Variants in UBE2C observed in about 807,000 individuals in gnomAD.
UBE2C encodes the protein ubiquitin conjugating enzyme E2 C, also known as ubiquitin-conjugating enzyme E2 C.
UBE2C carries 16 observed loss-of-function variants against 23.5 expected under a neutral mutation model. The ratio of observed to expected loss-of-function variants is 0.68; its 90% CI spans 0.46 to 1.03. The LOEUF (loss-of-function observed/expected upper bound fraction) is 1.03, where lower values mean the gene tolerates loss of function less well. Among genes scored for constraint, UBE2C ranks in the 50% least tolerant of loss-of-function variants. The pLI, the probability that UBE2C is intolerant of heterozygous loss-of-function variation, is 0.00. For synonymous variants in UBE2C, 76 were observed against 91.6 expected (o/e 0.83, Z 0.97); for missense variants, 192 against 227.6 (o/e 0.84, Z 1.01).
intron 3 of UBE2C, chr20:45,815,256 C>A: frequency 1.2e-6 from 1 of 839,992 alleles, no homozygotes; most frequent in Non-Finnish European, 1.8e-6. Context: ...TAGTGGCTCA[C>A]ACCTGTAATC....
At chr20:45,813,389 G>T in intron 1 of UBE2C, 48 bp from the exon 2 acceptor site, 1 of 1,613,926 alleles carries the variant, frequency 6.2e-7, no homozygotes, top group African/African-American at 1.3e-5. Flanking sequence ...CCGTCTGGAG[G>T]CCTGGCCCAT....
Position 45,815,624 on chromosome 20 carries a change from G to T in UBE2C, c.300G>T (p.Thr100=). 6.2e-7 allele frequency: 1 copy of T among 1,614,068 alleles called. No homozygotes were observed. Among genetic ancestry groups the T allele is most frequent in the South Asian group, 1.1e-5 (1 of 91,064 alleles). The change falls in exon 4 of 6, where the codon ACG becomes ACT. Residue 100 remains threonine, a synonymous_variant. Transcript: ENST00000356455. The part of the protein sequence containing the change: ...PYNAPTVKFL[T]PCYHPNVDTQ... ...ATGCGCCCACAGTGAAGTTCCTCACGCCCTGCTATCACCCCAACGTGGACA... is the reference window on the plus strand; with the variant it reads ...ATGCGCCCACAGTGAAGTTCCTCACTCCCTGCTATCACCCCAACGTGGACA...
intron 2 of UBE2C, among the ~76,000 whole-genome samples, chr20:45,814,146 C>CTCTCTATA (rs1158772080): frequency 0.018 from 2,369 of 133,840 alleles, 82 homozygotes; most frequent in African/African-American, 0.06. Context: ...CTCTCTCTCT[C>CTCTCTATA]TATATATATA....
rs1207386492 is a variant in UBE2C at position 45,813,450 on chromosome 20, C to G, written c.115C>G (p.Leu39Val). The G allele has an allele frequency of 6.2e-7, 1 of 1,614,058 alleles. No individual in the cohort carries two copies. The highest frequency in any genetic ancestry group is 8.5e-7 in the Non-Finnish European group (1 of 1,180,036). ...GPVGKRLQQE[L>V]MTLMMSGDKG... ...CTCTTTTTTCAGGCTACAGCAGGAG[C>G]TGATGACCCTCATGGTGAGTGATTA... Residue 39 changes from leucine (L) to valine (V), a missense_variant, in exon 2 of 6, where the codon CTG (leucine) becomes GTG (valine). Coordinates refer to ENST00000356455, the MANE Select transcript of UBE2C (RefSeq NM_007019.4).
At chr20:45,816,391 T>G (rs1044851473) in intron 5 of UBE2C, among the ~76,000 whole-genome samples, 1 of 152,186 alleles carries the variant, frequency 6.6e-6, no homozygotes, top group Non-Finnish European at 1.5e-5. Flanking sequence ...ATCCTAGCAC[T>G]TGGGGAGGCC....
Position 45,816,842 on chromosome 20 carries a change from G to C in UBE2C, c.*75G>C. The C allele has an allele frequency of 3.1e-6, 4 of 1,285,626 alleles. No homozygotes were observed. In the Middle Eastern group the frequency reaches 7.6e-4, roughly 245 times the overall value. The allele number at this position is 1,285,626 out of a possible 1,614,324, so 79.6% of individuals were successfully genotyped here. A position where few individuals can be genotyped will look rare whatever the true frequency, so the allele number is the denominator to read the frequency against. On this transcript the variant is annotated 3_prime_UTR_variant, in exon 6 of 6. Transcript: ENST00000356455. ...ATGGTCTGTCCTTTTTGTGATTTCT[G>C]TATAGGACTCTTTATCTTGAGCTGT...
chr20:45,815,807 G>T, intron 4 of UBE2C, 47 bp from the exon 5 acceptor site: 1 of 1,613,630 alleles, frequency 6.2e-7, no homozygotes, highest in Non-Finnish European at 8.5e-7. Context: ...ACTCCCTGGG[G>T]TCAGCCTCTT....
intron 2 of UBE2C, among the ~76,000 whole-genome samples, chr20:45,813,903 G>A (rs946651840): frequency 6.6e-6 from 1 of 152,024 alleles, no homozygotes; most frequent in Non-Finnish European, 1.5e-5. Context: ...TCAGGAGTTC[G>A]AGACCAGCCT....
At chr20:45,816,293 C>T (rs1473507307) in intron 5 of UBE2C, among the ~76,000 whole-genome samples, 1 of 152,158 alleles carries the variant, frequency 6.6e-6, no homozygotes, top group Non-Finnish European at 1.5e-5. Context: ...GCCCCTCCTC[C>T]ACCTCCTCCG....
intron 4 of UBE2C, 54 bp downstream of exon 4, chr20:45,815,799 T>C (rs930701472): frequency 1.2e-4 from 188 of 1,613,342 alleles, no homozygotes; most frequent in Middle Eastern, 1.7e-4. Context: ...CTGTCAGGAC[T>C]CCCTGGGGTC....
In UBE2C at chr20:45,813,428, T is replaced by C. The variant is rs775782250; in HGVS notation, c.102-9T>C. The C allele has an allele frequency of 4.3e-6, 7 of 1,613,876 alleles. No homozygotes were observed. The highest frequency in any genetic ancestry group is 2.2e-5 in the East Asian group (1 of 44,888). ...GACTCCCAGGTAACCCCGAATACTCTTTTTTCAGGCTACAGCAGGAGCTGA... is the reference window on the plus strand; with the variant it reads ...GACTCCCAGGTAACCCCGAATACTCCTTTTTCAGGCTACAGCAGGAGCTGA... On this transcript the variant is annotated splice_polypyrimidine_tract_variant and intron_variant, in intron 1 of 5. Coordinates refer to ENST00000356455, the MANE Select transcript of UBE2C (RefSeq NM_007019.4).
intron 1 of UBE2C, 29 bp downstream of exon 1, chr20:45,812,825 G>C (rs1369643314): frequency 1.3e-6 from 2 of 1,543,524 alleles, no homozygotes; most frequent in Non-Finnish European, 1.7e-6. Context: ...CACTCGCCGG[G>C]CCTGCCATGC....
chr20:45,814,250 ATG>A (rs3080105), intron 2 of UBE2C, 132 bp from the exon 3 acceptor site: 261 of 353,152 alleles, frequency 7.4e-4, no homozygotes, highest in East Asian at 1.0e-3. Context: ...ATACATATAT[ATG>A]TGTGTGTGTG....
Position 45,812,694 on chromosome 20 carries a change from G to T in UBE2C, c.-2G>T, listed in dbSNP as rs1405630728. 6.4e-7 allele frequency: 1 copy of T among 1,551,118 alleles called. No homozygotes were observed. Among genetic ancestry groups the T allele is most frequent in the Non-Finnish European group, 8.7e-7 (1 of 1,147,102 alleles). On this transcript the variant is annotated 5_prime_UTR_variant, in exon 1 of 6. Transcript: ENST00000356455. ...TCCTGTCTCTCTGCCAACGCCGCCC[G>T]GATGGCTTCCCAAAACCGCGACCCA...
intron 1 of UBE2C, 29 bp from the exon 2 acceptor site, chr20:45,813,408 C>T: frequency 6.2e-7 from 1 of 1,614,028 alleles, no homozygotes; most frequent in African/African-American, 1.3e-5. Context: ...ATCCAGACTC[C>T]CAGGTAACCC....
At chr20:45,814,298 AT>A in intron 2 of UBE2C, 85 bp from the exon 3 acceptor site, 1 of 424,216 alleles carries the variant, frequency 2.4e-6, no homozygotes, top group Non-Finnish European at 3.8e-6. Flanking sequence ...ATATATATAT[AT>A]AAAATTAAGG....
rs751367029 is a variant in UBE2C at position 45,816,768 on chromosome 20, C to A, written c.*1C>A. 1 of 1,613,074 alleles carries A rather than the reference C, an allele frequency of 6.2e-7. No homozygotes were observed. The highest frequency in any genetic ancestry group is 1.3e-5 in the African/African-American group (1 of 75,006). Reference sequence around the variant, plus strand: ...GCAGGTCACCAGCCAGGAGCCCTGACCCAGGCTGCCCAGCCTGTCCTTGTG... The same window carrying A: ...GCAGGTCACCAGCCAGGAGCCCTGAACCAGGCTGCCCAGCCTGTCCTTGTG... On this transcript the variant is annotated 3_prime_UTR_variant, in exon 6 of 6. Coordinates refer to ENST00000356455, the MANE Select transcript of UBE2C (RefSeq NM_007019.4).
intron 3 of UBE2C, 117 bp from the exon 4 acceptor site, chr20:45,815,424 G>C: frequency 1.9e-6 from 3 of 1,613,478 alleles, no homozygotes; most frequent in Non-Finnish European, 2.5e-6. Flanking sequence ...TCAACAGTTT[G>C]TCTACTGTCC....
rs1198011557 is a variant in UBE2C, at chr20:45,815,895, C to A, written c.463C>A (p.Leu155Ile). Residue 155 changes from leucine (L) to isoleucine (I), a missense_variant, in exon 5 of 6, where the codon CTC becomes ATC. Transcript: ENST00000356455. ...TCCCTTGAACACACATGCTGCCGAG[C>A]TCTGGAAAAACCCCACAGGTGAGTC... ...DSPLNTHAAE[L>I]WKNPTAFKKY... The A allele has an allele frequency of 6.2e-7, 1 of 1,614,056 alleles. No individual in the cohort carries two copies. The highest frequency in any genetic ancestry group is 1.7e-5 in the Admixed American group (1 of 60,006).
Sources: allele counts gnomAD v4.1 joint callset (sites outside exome capture counted in the v4.1 genomes callset), GRCh38; gene constraint gnomAD v4.1.1; transcripts MANE v1.5; gene names NCBI Gene and HGNC (gene_info 2026-07-23, HGNC 2026-07-21).